Variants in AGBL4 observed in about 807,000 individuals in gnomAD.
AGBL4 encodes AGBL carboxypeptidase 4.
In AGBL4, 58 loss-of-function variants were observed where a neutral mutation model predicts 66.4. That is an observed-to-expected ratio of 0.87 (90% CI 0.71 to 1.09). The LOEUF (loss-of-function observed/expected upper bound fraction) is 1.09. Ranked by LOEUF, AGBL4 falls within the 50% of genes least tolerant of loss-of-function variation. The pLI is 0.00. For missense variants in AGBL4, 579 were observed against 631.0 expected (o/e 0.92, Z 0.88); for synonymous variants, 234 against 222.9 (o/e 1.05, Z -0.44).
At chr1:48,639,360 G>A (rs538242913) in intron 8 of AGBL4, among the ~76,000 whole-genome samples, 1 of 152,310 alleles carries the variant, frequency 6.6e-6, no homozygotes, top group South Asian at 2.1e-4. Flanking sequence ...CCCTGGCTAG[G>A]AGCCTGGGGT....
At chr1:48,981,514 G>A (rs1448566096) in intron 5 of AGBL4, among the ~76,000 whole-genome samples, 1 of 152,130 alleles carries the variant, frequency 6.6e-6, no homozygotes, top group Middle Eastern at 3.2e-3. Flanking sequence ...TGGAATTCAA[G>A]CTCAGGACAT....
chr1:49,379,727 G>A (rs1265002048), intron 3 of AGBL4, among the ~76,000 whole-genome samples: 1 of 152,100 alleles, frequency 6.6e-6, no homozygotes, highest in Non-Finnish European at 1.5e-5. Flanking sequence ...CAGGGATGAA[G>A]CCCACTTGAT....
chr1:49,139,558 T>C (rs1646077498), intron 4 of AGBL4, among the ~76,000 whole-genome samples: 1 of 152,140 alleles, frequency 6.6e-6, no homozygotes, highest in African/African-American at 2.4e-5. Flanking sequence ...ATGGAGGCCA[T>C]CCAATCAGGA....
chr1:49,721,002 T>C (rs1037059924), intron 2 of AGBL4, among the ~76,000 whole-genome samples: 2 of 152,008 alleles, frequency 1.3e-5, no homozygotes, highest in Non-Finnish European at 2.9e-5. Context: ...AGTGGGGACT[T>C]GGAGAACTTT....
chr1:49,114,484 C>T (rs1355472810), intron 4 of AGBL4, among the ~76,000 whole-genome samples: 1 of 152,148 alleles, frequency 6.6e-6, no homozygotes. Flanking sequence ...GTTTTGCTTT[C>T]TTATGATTTG....
At chr1:49,738,907 G>A (rs1445450697) in intron 2 of AGBL4, among the ~76,000 whole-genome samples, 6 of 152,126 alleles carry the variant, frequency 3.9e-5, no homozygotes, top group East Asian at 1.9e-4. Context: ...TCATCTGTAC[G>A]TCACCATCAT....
intron 11 of AGBL4, among the ~76,000 whole-genome samples, chr1:48,545,798 T>C (rs769885218): frequency 2.0e-5 from 3 of 152,246 alleles, no homozygotes; most frequent in Non-Finnish European, 4.4e-5. Context: ...AGAGCTCTTT[T>C]GAAATAAAGT....
chr1:49,461,903 T>C (rs1021846005), intron 3 of AGBL4, among the ~76,000 whole-genome samples: 1 of 151,848 alleles, frequency 6.6e-6, no homozygotes, highest in Non-Finnish European at 1.5e-5. Context: ...AAGACTTTGC[T>C]ATTGTGAACA....
intron 3 of AGBL4, among the ~76,000 whole-genome samples, chr1:49,285,215 C>G (rs1331215419): frequency 6.6e-6 from 1 of 152,178 alleles, no homozygotes; most frequent in Non-Finnish European, 1.5e-5. Context: ...GATTAAGAAT[C>G]TCACTCAAAA....
chr1:49,081,727 G>A (rs1421470129), intron 4 of AGBL4, among the ~76,000 whole-genome samples: 1 of 152,100 alleles, frequency 6.6e-6, no homozygotes, highest in Admixed American at 6.5e-5. Context: ...CCCCAAATGT[G>A]TTTTTCCAAG....
intron 3 of AGBL4, among the ~76,000 whole-genome samples, chr1:49,406,511 C>T (rs1340844388): frequency 6.6e-6 from 1 of 152,018 alleles, no homozygotes; most frequent in East Asian, 1.9e-4. Context: ...GCAAAGGGTA[C>T]ATAAAATCCT....
intron 1 of AGBL4, among the ~76,000 whole-genome samples, chr1:49,969,530 C>T (rs1304643025): frequency 1.3e-5 from 2 of 152,164 alleles, no homozygotes; most frequent in Non-Finnish European, 2.9e-5. Flanking sequence ...CCATTTCCCC[C>T]ACCCCACATC....
intron 9 of AGBL4, among the ~76,000 whole-genome samples, chr1:48,619,098 G>A (rs1041142371): frequency 3.9e-5 from 6 of 152,164 alleles, no homozygotes; most frequent in Admixed American, 3.9e-4. Context: ...CACTAGGGTC[G>A]TGGGCCTTGG....
intron 4 of AGBL4, among the ~76,000 whole-genome samples, chr1:49,224,899 T>C (rs1309088325): frequency 6.6e-6 from 1 of 152,224 alleles, no homozygotes; most frequent in Non-Finnish European, 1.5e-5. Context: ...AGGTTCATGA[T>C]ACATCCAGCA....
At chr1:48,596,148 A>G (rs187700187) in intron 9 of AGBL4, among the ~76,000 whole-genome samples, 1 of 152,136 alleles carries the variant, frequency 6.6e-6, no homozygotes, top group Non-Finnish European at 1.5e-5. Context: ...TAAACTCTCC[A>G]TGTCCTGTAC....
intron 3 of AGBL4, among the ~76,000 whole-genome samples, chr1:49,353,887 C>T (rs548410024): frequency 4.6e-5 from 7 of 152,266 alleles, no homozygotes; most frequent in Middle Eastern, 3.4e-3. Flanking sequence ...CCACTCCATC[C>T]TCTTTCCAGC....
intron 5 of AGBL4, among the ~76,000 whole-genome samples, chr1:48,983,163 C>T (rs1659913573): frequency 6.6e-6 from 1 of 151,972 alleles, no homozygotes; most frequent in African/African-American, 2.4e-5. Flanking sequence ...TTAACTCTTC[C>T]TTCATATTCA....
intron 1 of AGBL4, among the ~76,000 whole-genome samples, chr1:49,947,976 ATAAATATATATT>A (rs1655424513): frequency 8.9e-6 from 1 of 111,764 alleles, no homozygotes; most frequent in Non-Finnish European, 1.7e-5. Context: ...ATATATATTT[ATAAATATATATT>A]TATATATATA....
rs569956806 is a variant in AGBL4, at chr1:48,870,567, A to G, written c.595-3337T>C. On this transcript the variant is annotated intron_variant, in intron 5 of 13. Coordinates refer to ENST00000371839, the MANE Select transcript of AGBL4 (RefSeq NM_032785.4). ...TTTTCCAAGACTTTTCCCCTGCTAC[A>G]TCTTTGGGGTTCTTTGCCTTTAAGA... 2.6e-4 allele frequency among the ~76,000 whole-genome samples: 40 copies of G among 152,230 alleles called. No individual in the cohort carries two copies. In the South Asian group the frequency reaches 5.2e-3, roughly 20 times the overall value.
Sources: gnomAD v4.1 joint callset for allele counts (sites outside exome capture counted in the v4.1 genomes callset) on GRCh38, gnomAD v4.1.1 for gene constraint, MANE v1.5 for transcripts, NCBI Gene and HGNC (gene_info 2026-07-23, HGNC 2026-07-21) for gene names.